The following MKKS variants were observed in gnomAD, a reference collection of about 807,000 sequenced individuals.
MKKS encodes the protein molecular chaperone MKKS.
MKKS carries 29 observed loss-of-function variants against 33.2 expected under a neutral mutation model. The ratio of observed to expected loss-of-function variants is 0.87; its 90% CI spans 0.65 to 1.19. MKKS has a LOEUF of 1.19. MKKS is among the 50% of genes most tolerant of loss of function. MKKS has a pLI of 0.00. For synonymous variants in MKKS, 260 were observed against 244.0 expected, an observed-to-expected ratio of 1.07 and a Z score of -0.61; for missense variants, 661 against 662.3, an observed-to-expected ratio of 1.00 and a Z score of 0.02.
rs746633460 is a variant in MKKS at position 10,413,046 on chromosome 20, T to C, written c.469A>G (p.Ile157Val). The part of the protein sequence containing the change: ...TQILLCLVRS[I>V]LTSKPACMLT... ...ATACAGGCAGGTTTACTTGTTAATA[T>C]ACTACGCACCAAACAAAGGAGGATC... is the stretch of plus-strand genomic sequence containing the variant. The change falls in exon 3 of 6, where the codon ATA becomes GTA. Residue 157 changes from isoleucine (I) to valine (V), a missense_variant. Coordinates refer to ENST00000347364, the MANE Select transcript of MKKS (RefSeq NM_170784.3). 8 of 1,614,074 alleles carry C rather than the reference T, an allele frequency of 5.0e-6. No homozygotes were observed. Among genetic ancestry groups the C allele is most frequent in the Non-Finnish European group, 6.8e-6 (8 of 1,180,028 alleles).
intron 5 of MKKS, among the ~76,000 whole-genome samples, chr20:10,407,395 T>C (rs1251235965): frequency 6.6e-6 from 1 of 152,236 alleles, no homozygotes; most frequent in Admixed American, 6.5e-5. Flanking sequence ...TACCTTGTTA[T>C]TTCCCTCAAG....
Position 10,413,075 on chromosome 20 carries a change from G to A in MKKS, c.440C>T (p.Thr147Ile), listed in dbSNP as rs1730451551. The A allele has an allele frequency of 1.2e-6, 2 of 1,614,004 alleles. No homozygotes were observed. Among genetic ancestry groups the A allele is most frequent in the Non-Finnish European group, 1.7e-6 (2 of 1,180,026 alleles). ...ACGCACCAAACAAAGGAGGATCTGA[G>A]TACTACTAAAGTCCACTGGGATTCG... ...GCRIPVDFSS[T>I]QILLCLVRSI... The change falls in exon 3 of 6, where the codon ACT becomes ATT. Residue 147 changes from threonine to isoleucine, a missense_variant. By Grantham distance (89) the Thr-to-Ile change is moderately conservative. Transcript: ENST00000347364.
intron 1 of MKKS, among the ~76,000 whole-genome samples, chr20:10,425,014 T>C (rs1456793548): frequency 6.6e-6 from 1 of 150,832 alleles, no homozygotes; most frequent in Non-Finnish European, 1.5e-5. Flanking sequence ...GATCATGCCA[T>C]TGCACTCCCA....
chr20:10,426,548 C>T (rs536184561), intron 1 of MKKS, among the ~76,000 whole-genome samples: 10 of 152,208 alleles, frequency 6.6e-5, no homozygotes, highest in East Asian at 3.9e-4. Context: ...TACAGGCCCA[C>T]GCCACCATGC....
intron 4 of MKKS, 117 bp from the exon 5 acceptor site, chr20:10,407,843 C>T (rs908971574): frequency 1.2e-6 from 1 of 820,378 alleles, no homozygotes; most frequent in African/African-American, 1.7e-5. Flanking sequence ...TACAAAAGAA[C>T]AAAACTTGTG....
In MKKS at chr20:10,413,873, A is replaced by G. The variant is rs2064916774; in HGVS notation, c.-359T>C. On this transcript the variant is annotated 5_prime_UTR_variant, in exon 3 of 6. Coordinates refer to ENST00000347364, the MANE Select transcript of MKKS (RefSeq NM_170784.3). ...CAAGAAGCCAGTTCTTTCTAATCCAACTGGTATTTTTCATCTCTTCTTTCG... is the reference window on the plus strand; with the variant it reads ...CAAGAAGCCAGTTCTTTCTAATCCAGCTGGTATTTTTCATCTCTTCTTTCG... 3 of 428,990 alleles carry G rather than the reference A, an allele frequency of 7.0e-6. No homozygotes were observed. Among genetic ancestry groups the G allele is most frequent in the South Asian group, 1.6e-4 (2 of 12,676 alleles). 26.6% of individuals were successfully genotyped at this position (428,990 alleles called of 1,614,324 possible).
intron 1 of MKKS, among the ~76,000 whole-genome samples, chr20:10,430,963 A>G (rs1041010430): frequency 6.6e-6 from 1 of 152,210 alleles, no homozygotes; most frequent in African/African-American, 2.4e-5. Context: ...ATCAAAGTCT[A>G]ACCTCCACCA....
At chr20:10,425,704 T>C (rs138984732) in intron 1 of MKKS, among the ~76,000 whole-genome samples, 1 of 152,212 alleles carries the variant, frequency 6.6e-6, no homozygotes, top group African/African-American at 2.4e-5. Flanking sequence ...ATGATCAGAT[T>C]TGATGAGCAG....
chr20:10,422,145 T>C (rs536540441), intron 1 of MKKS, among the ~76,000 whole-genome samples: 3 of 152,206 alleles, frequency 2.0e-5, no homozygotes, highest in Non-Finnish European at 4.4e-5. Flanking sequence ...TGTTATCTTA[T>C]AGCTATGAAC....
intron 1 of MKKS, among the ~76,000 whole-genome samples, chr20:10,426,413 T>G (rs1023952251): frequency 7.9e-5 from 12 of 152,102 alleles, no homozygotes; most frequent in African/African-American, 2.9e-4. Context: ...ATGTTGTTCT[T>G]TTTTCTTTTT....
At chr20:10,428,362 T>TAA (rs1338779364) in intron 1 of MKKS, among the ~76,000 whole-genome samples, 1 of 152,226 alleles carries the variant, frequency 6.6e-6, no homozygotes, top group Non-Finnish European at 1.5e-5. Context: ...GCAAACACTT[T>TAA]ATGTTCCTGG....
At chr20:10,429,057 CT>C (rs1286166862) in intron 1 of MKKS, among the ~76,000 whole-genome samples, 2 of 152,144 alleles carry the variant, frequency 1.3e-5, no homozygotes, top group African/African-American at 4.8e-5. Flanking sequence ...AACAAATTCC[CT>C]AAGGCAACTG....
intron 1 of MKKS, among the ~76,000 whole-genome samples, chr20:10,423,235 C>T (rs1442351749): frequency 2.6e-5 from 4 of 151,968 alleles, no homozygotes; most frequent in South Asian, 2.1e-4. Flanking sequence ...GCCTAGGCAA[C>T]GTGGCAAAAC....
At chr20:10,409,160 A>G (rs1395171563) in intron 3 of MKKS, among the ~76,000 whole-genome samples, 1 of 152,174 alleles carries the variant, frequency 6.6e-6, no homozygotes, top group Non-Finnish European at 1.5e-5. Context: ...CCAAATTAAG[A>G]ACTTCACTAA....
intron 1 of MKKS, among the ~76,000 whole-genome samples, chr20:10,429,985 T>A (rs1052858790): frequency 1.3e-5 from 2 of 152,158 alleles, no homozygotes; most frequent in African/African-American, 4.8e-5. Flanking sequence ...CTAGTCTACA[T>A]CCACTAATCC....
At chr20:10,408,601 A>G (rs200691717) in intron 4 of MKKS, 27 bp downstream of exon 4, 2 of 1,610,156 alleles carry the variant, frequency 1.2e-6, no homozygotes, top group African/African-American at 1.3e-5. Context: ...CAGCCTCTGC[A>G]TATGGAATTC....
chr20:10,425,890 C>A (rs1206825830), intron 1 of MKKS, among the ~76,000 whole-genome samples: 7 of 152,086 alleles, frequency 4.6e-5, no homozygotes, highest in Admixed American at 4.6e-4. Flanking sequence ...TAAAAAAAGA[C>A]TCCTTTAGAA....
chr20:10,426,702 T>C (rs941410695), intron 1 of MKKS, among the ~76,000 whole-genome samples: 1 of 152,256 alleles, frequency 6.6e-6, no homozygotes, highest in African/African-American at 2.4e-5. Flanking sequence ...CCCCGTGGCA[T>C]GTCCTTGGCT....
In MKKS at chr20:10,405,377, T is replaced by A; in HGVS notation, c.1583A>T (p.His528Leu). ...GTTGCTGGCTGAGCCCACAGCTTCATGTGGAAGGCAGCTTTGTGGCACAAA... is the reference window on the plus strand; with the variant it reads ...GTTGCTGGCTGAGCCCACAGCTTCAAGTGGAAGGCAGCTTTGTGGCACAAA... ...RPFVPQSCLP[H>L]EAVGSASNLT... Residue 528 changes from histidine (H) to leucine (L), a missense_variant, in exon 6 of 6, where the codon CAT becomes CTT. By Grantham distance (99) the His-to-Leu change is moderately conservative (BLOSUM62 -3). Transcript: ENST00000347364. The A allele has an allele frequency of 6.2e-7, 1 of 1,614,178 alleles. No individual in the cohort carries two copies.
Sources: gnomAD v4.1 joint callset for allele counts (sites outside exome capture counted in the v4.1 genomes callset) on GRCh38, gnomAD v4.1.1 for gene constraint, MANE v1.5 for transcripts, NCBI Gene and HGNC (gene_info 2026-07-23, HGNC 2026-07-21) for gene names.